RASGRF1: variants seen among roughly 807,000 people sequenced by gnomAD.
RASGRF1 encodes the protein Ras protein specific guanine nucleotide releasing factor 1.
A neutral mutation model predicts 138.7 loss-of-function variants in RASGRF1; 40 were observed. The ratio of observed to expected loss-of-function variants is 0.29; its 90% CI spans 0.22 to 0.38. The LOEUF is 0.38. Ranked by LOEUF, RASGRF1 falls within the 10% of genes least tolerant of loss-of-function variation. The pLI, the probability that RASGRF1 is intolerant of heterozygous loss-of-function variation, is 1.00. For synonymous variants in RASGRF1, 614 were observed against 663.2 expected (o/e 0.93, Z 1.14); for missense variants, 1,108 against 1,650.4 (o/e 0.67, Z 5.69).
chr15:78,982,104 C>T (rs1040161250), intron 23 of RASGRF1, among the ~76,000 whole-genome samples: 5 of 152,218 alleles, frequency 3.3e-5, no homozygotes, highest in Admixed American at 3.3e-4. Flanking sequence ...CTCCTCTTGC[C>T]TTTATGGGCC....
chr15:79,049,448 T>C (rs751673186), intron 4 of RASGRF1, 48 bp downstream of exon 4: 1 of 1,575,114 alleles, frequency 6.3e-7, no homozygotes, highest in Non-Finnish European at 8.7e-7. Context: ...GGGCTGGCTC[T>C]CTAAAGAGAG....
intron 22 of RASGRF1, 107 bp downstream of exon 22, chr15:78,990,082 C>T: frequency 1.1e-6 from 1 of 946,596 alleles, no homozygotes; most frequent in African/African-American, 1.6e-5. Context: ...TGGAGAGGAC[C>T]CAGGAGTCTG....
chr15:79,059,277 TCCTTC>T (rs1277834524), intron 2 of RASGRF1, among the ~76,000 whole-genome samples: 42 of 50,310 alleles, frequency 8.3e-4, no homozygotes, highest in Non-Finnish European at 1.4e-3. Context: ...CCCTTCCCTA[TCCTTC>T]CCTTCCCTTC....
At position 78,961,875 on chromosome 15, in the gene RASGRF1, A is replaced by G. The variant is rs757044566; in HGVS notation, c.*269T>C. ...GCAAGGGTGCTGTTTCCCCTCTGAG[A>G]AGAGTGAGGAGTCTAGGGAAGAGGG... On this transcript the variant is annotated 3_prime_UTR_variant, in exon 27 of 27. Coordinates refer to ENST00000558480, the MANE Select transcript of RASGRF1 (RefSeq NM_001145648.3). The G allele has an allele frequency of 2.8e-6, 1 of 362,446 alleles. No individual in the cohort carries two copies. The highest frequency in any genetic ancestry group is 5.1e-6 in the Non-Finnish European group (1 of 196,938). The allele number at this position is 362,446 out of a possible 1,614,324, so 22.5% of individuals were successfully genotyped here.
At position 79,071,713 on chromosome 15, in the gene RASGRF1, T is replaced by A. The variant is rs568973800; in HGVS notation, c.277-7187A>T. On this transcript the variant is annotated intron_variant, in intron 1 of 26. Transcript: ENST00000558480. ...CTTTCTTTGTGTCTCTGTTCCTGCC[T>A]TTCTCCTCTGTGTCCCCTTCCCAGG... Among the ~76,000 whole-genome samples the A allele has an allele frequency of 5.6e-4, 85 of 152,180 alleles. 5 individuals are homozygous for A. In the South Asian group the frequency reaches 0.017, roughly 31 times the overall value.
At position 79,023,718 on chromosome 15, in the gene RASGRF1, G is replaced by A. The variant is rs753136657; in HGVS notation, c.1542+1596C>T. On this transcript the variant is annotated intron_variant, in intron 10 of 26. Transcript: ENST00000558480. ...GAGCATCAGGGTCTCATGCAGGGCC[G>A]CAAGGTCCTGAGGCTCTGTGTGGAG... Among the ~76,000 whole-genome samples the A allele has an allele frequency of 1.1e-4, 16 of 152,268 alleles. No individual in the cohort carries two copies. The East Asian group carries it at 2.7e-3, about 26-fold the overall frequency.
chr15:79,004,535 G>A (rs1174144459), intron 14 of RASGRF1, among the ~76,000 whole-genome samples: 2 of 152,098 alleles, frequency 1.3e-5, no homozygotes, highest in Non-Finnish European at 1.5e-5. Flanking sequence ...TACACTCTCT[G>A]GCCTCATCCT....
At chr15:79,082,646 A>G (rs1022178582) in intron 1 of RASGRF1, among the ~76,000 whole-genome samples, 2 of 152,152 alleles carry the variant, frequency 1.3e-5, no homozygotes, top group Non-Finnish European at 2.9e-5. Context: ...GGAGGAAGAG[A>G]GGGACAGAGG....
chr15:79,056,709 AC>A (rs1373367050), intron 3 of RASGRF1, among the ~76,000 whole-genome samples: 2 of 151,948 alleles, frequency 1.3e-5, no homozygotes, highest in African/African-American at 2.4e-5. Flanking sequence ...ATTTTTGTTG[AC>A]CTTGAGGTTG....
At position 78,984,986 on chromosome 15, in the gene RASGRF1, G is replaced by A. The variant is rs370483913; in HGVS notation, c.3414+21C>T. The A allele has an allele frequency of 6.2e-6, 10 of 1,609,300 alleles. 1 individual carries two copies. The highest frequency in any genetic ancestry group is 8.5e-6 in the Non-Finnish European group (10 of 1,175,688). ...CCAATCCAGCCCCAGGGAGGCAGTG[G>A]TGCCAGCCTCCTGCCCGCACCTGCT... On this transcript the variant is annotated intron_variant, in intron 23 of 26. Coordinates refer to ENST00000558480, the MANE Select transcript of RASGRF1 (RefSeq NM_001145648.3).
chr15:79,058,570 C>T, intron 2 of RASGRF1, 89 bp from the exon 3 acceptor site: 1 of 1,497,646 alleles, frequency 6.7e-7, no homozygotes. Context: ...GGGGCTCACC[C>T]ACCCACCTGC....
chr15:78,978,220 G>GTTTTTTTTT (rs71148584), intron 24 of RASGRF1, among the ~76,000 whole-genome samples: 10 of 125,108 alleles, frequency 8.0e-5, no homozygotes, highest in African/African-American at 4.0e-4. Context: ...CTTTTCTTTT[G>GTTTTTTTTT]TTTTTTTTTT....
intron 22 of RASGRF1, among the ~76,000 whole-genome samples, chr15:78,986,984 T>G (rs2056172439): frequency 6.6e-6 from 1 of 152,200 alleles, no homozygotes; most frequent in African/African-American, 2.4e-5. Context: ...ATACTAATTT[T>G]TGAAAGAAAT....
At chr15:79,033,805 G>C (rs1217164570) in intron 6 of RASGRF1, among the ~76,000 whole-genome samples, 1 of 151,944 alleles carries the variant, frequency 6.6e-6, no homozygotes, top group Admixed American at 6.6e-5. Flanking sequence ...GGCCAGGCTG[G>C]TCTCGAACTC....
At chr15:79,026,815 C>T (rs531114266) in intron 9 of RASGRF1, among the ~76,000 whole-genome samples, 13 of 152,284 alleles carry the variant, frequency 8.5e-5, no homozygotes, top group Non-Finnish European at 1.8e-4. Flanking sequence ...ATTTCTGGCA[C>T]AGAGAATGCC....
chr15:78,995,766 T>A lies in RASGRF1; in HGVS notation c.3001A>T (p.Ile1001Phe). ...ATCTGCGTGATCTCCTCCAGCGTGA[T>A]CTGGTTGTCACCTGGGTCCTCCTGG... Reference protein sequence around the residue: ...LTQEDPGDNQITLEEITQMAE... With the variant: ...LTQEDPGDNQFTLEEITQMAE... The change falls in exon 20 of 27, where the codon ATC (isoleucine) becomes TTC (phenylalanine). Residue 1001 changes from isoleucine to phenylalanine, a missense_variant. Coordinates refer to ENST00000558480, the MANE Select transcript of RASGRF1 (RefSeq NM_001145648.3). 6.2e-7 allele frequency: 1 copy of A among 1,614,170 alleles called. No homozygotes were observed. The highest frequency in any genetic ancestry group is 1.6e-4 in the Middle Eastern group (1 of 6,062).
chr15:79,027,669 C>T lies in RASGRF1; in HGVS notation c.1381+72G>A, dbSNP rs375965830. ...CAGCCAAACCAACTGGTGGCGTCCC[C>T]GAGTGCCGCCTCCCTCCCGCTGCTG... On this transcript the variant is annotated intron_variant, in intron 9 of 26. Transcript: ENST00000558480. The surrounding 1 kb of genome is among the most constrained non-coding windows in gnomAD (Gnocchi z 4.8). 48 of 1,418,108 alleles carry T rather than the reference C, an allele frequency of 3.4e-5. No homozygotes were observed. Among genetic ancestry groups the T allele is most frequent in the Middle Eastern group, 1.9e-4 (1 of 5,336 alleles). 87.8% of individuals were successfully genotyped at this position (1,418,108 alleles called of 1,614,324 possible).
intron 7 of RASGRF1, 135 bp downstream of exon 7, chr15:79,031,988 G>T: frequency 1.8e-6 from 2 of 1,092,190 alleles, no homozygotes; most frequent in Non-Finnish European, 2.6e-6. Flanking sequence ...GTCGGCTGCT[G>T]GCCCTGACCA....
chr15:79,035,986 G>T (rs1471218234), intron 5 of RASGRF1, among the ~76,000 whole-genome samples: 1 of 152,182 alleles, frequency 6.6e-6, no homozygotes, highest in South Asian at 2.1e-4. Flanking sequence ...GCAGCTTAGC[G>T]CGGGCTGGGT....
Sources: gnomAD v4.1 joint callset for allele counts (sites outside exome capture counted in the v4.1 genomes callset) on GRCh38, gnomAD v4.1.1 for gene constraint, Gnocchi (gnomAD v3.1) non-coding constraint, MANE v1.5 for transcripts, NCBI Gene and HGNC (gene_info 2026-07-23, HGNC 2026-07-21) for gene names.